The following TRAF1 variants were observed in gnomAD, a reference collection of about 807,000 sequenced individuals.
TRAF1 encodes TNF receptor associated factor 1.
TRAF1 carries 23 observed loss-of-function variants against 40.9 expected under a neutral mutation model. The observed-to-expected ratio is 0.56, with a 90% CI of 0.40 to 0.80. TRAF1 has a LOEUF of 0.80. Among genes scored for constraint, TRAF1 ranks in the 30% least tolerant of loss-of-function variants. TRAF1 has a pLI of 0.00. For missense variants in TRAF1, 477 were observed against 528.7 expected (o/e 0.90, Z 0.96); for synonymous variants, 206 against 218.8 (o/e 0.94, Z 0.52).
At chr9:120,920,635 C>T (rs1025302664) in intron 3 of TRAF1, among the ~76,000 whole-genome samples, 2 of 152,238 alleles carry the variant, frequency 1.3e-5, no homozygotes, top group African/African-American at 2.4e-5. Flanking sequence ...AGGAAGATCA[C>T]GCCAGGCAAG....
chr9:120,920,132 A>C (rs2046595312), intron 3 of TRAF1, among the ~76,000 whole-genome samples: 1 of 152,186 alleles, frequency 6.6e-6, no homozygotes, highest in South Asian at 2.1e-4. Flanking sequence ...AACACAGATA[A>C]ACAGAAGCGC....
chr9:120,912,173 G>A (rs908416229), intron 5 of TRAF1, among the ~76,000 whole-genome samples: 9 of 152,192 alleles, frequency 5.9e-5, no homozygotes, highest in Non-Finnish European at 1.3e-4. Context: ...AAGGTCCTGA[G>A]AGGGAAAGTG....
At chr9:120,909,112 G>C (rs1419931122) in intron 7 of TRAF1, 118 bp downstream of exon 7, 2 of 1,288,192 alleles carry the variant, frequency 1.6e-6, no homozygotes, top group Non-Finnish European at 2.2e-6. Flanking sequence ...AAGGGAAACT[G>C]ATAACACAGA....
In TRAF1 at chr9:120,904,542, C is replaced by G. The variant is rs949884371; in HGVS notation, c.*478G>C. The G allele has an allele frequency of 1.2e-5, 2 of 172,046 alleles. No homozygotes were observed. Among genetic ancestry groups the G allele is most frequent in the African/African-American group, 4.8e-5 (2 of 41,862 alleles). 10.7% of individuals were successfully genotyped at this position (172,046 alleles called of 1,614,324 possible). On this transcript the variant is annotated 3_prime_UTR_variant, in exon 8 of 8. Coordinates refer to ENST00000373887, the MANE Select transcript of TRAF1 (RefSeq NM_005658.5). ...ACCTCCAATGACGAGCCTGGACAGA[C>G]TGCATTCAAACTGGCACCCCATCCC... is the stretch of plus-strand genomic sequence containing the variant.
upstream of TRAF1, chr9:120,927,276 G>A (rs904735701): frequency 7.2e-5 from 11 of 152,130 alleles, no homozygotes; most frequent in Non-Finnish European, 1.0e-4. Context: ...CATCCTGCTT[G>A]GCTGCTACAG....
Position 120,904,837 on chromosome 9 carries a change from C to T in TRAF1, c.*183G>A, listed in dbSNP as rs1382774777. On this transcript the variant is annotated 3_prime_UTR_variant, in exon 8 of 8. Coordinates refer to ENST00000373887, the MANE Select transcript of TRAF1 (RefSeq NM_005658.5). Reference sequence around the variant, plus strand: ...TTCTGGACCCTTTGCCTTTGTGGGCCCAGCCCACGTCCTGCCATCCTAACC... The same window carrying T: ...TTCTGGACCCTTTGCCTTTGTGGGCTCAGCCCACGTCCTGCCATCCTAACC... 11 of 649,518 alleles carry T rather than the reference C, an allele frequency of 1.7e-5. No homozygotes were observed. Among genetic ancestry groups the T allele is most frequent in the Non-Finnish European group, 2.9e-5 (11 of 381,984 alleles). 40.2% of individuals were successfully genotyped at this position (649,518 alleles called of 1,614,324 possible). A position where few individuals can be genotyped will look rare whatever the true frequency, so the allele number is the denominator to read the frequency against.
intron 2 of TRAF1, 148 bp downstream of exon 2, chr9:120,925,788 G>A: frequency 8.6e-7 from 1 of 1,156,270 alleles, no homozygotes; most frequent in Non-Finnish European, 1.2e-6. Flanking sequence ...GGCAGTGTCA[G>A]GGAGTGTGAG....
In TRAF1 at chr9:120,911,393, C is replaced by T. The variant is rs756315377; in HGVS notation, c.826G>A (p.Val276Ile). Residue 276 changes from valine to isoleucine, a missense_variant, in exon 6 of 8, where the codon GTC (valine) becomes ATC (isoleucine). Coordinates refer to ENST00000373887, the MANE Select transcript of TRAF1 (RefSeq NM_005658.5). ...DGTFLWKITN[V>I]TRRCHESACG... ...GCCGACTCATGGCACCGCCTGGTGA[C>T]ATTGGTGATCTTCCACAGGAAAGTG... 1.7e-5 allele frequency: 28 copies of T among 1,613,552 alleles called. No homozygotes were observed. The highest frequency in any genetic ancestry group is 2.2e-5 in the Non-Finnish European group (26 of 1,180,042).
intron 3 of TRAF1, among the ~76,000 whole-genome samples, chr9:120,919,446 G>A (rs1255712697): frequency 2.0e-5 from 3 of 152,200 alleles, no homozygotes; most frequent in African/African-American, 7.2e-5. Context: ...GAATGTGACT[G>A]TTAAGAGGGT....
intron 5 of TRAF1, 36 bp downstream of exon 5, chr9:120,913,292 G>C: frequency 6.4e-7 from 1 of 1,563,336 alleles, no homozygotes; most frequent in Non-Finnish European, 8.7e-7. Context: ...ATGGGGCTCA[G>C]CCGGGCTTGA....
intron 2 of TRAF1, among the ~76,000 whole-genome samples, chr9:120,924,578 C>A (rs2046626397): frequency 6.6e-6 from 1 of 152,132 alleles, no homozygotes; most frequent in Non-Finnish European, 1.5e-5. Context: ...CCACACCCAG[C>A]TAATTCTTGT....
intron 7 of TRAF1, among the ~76,000 whole-genome samples, chr9:120,908,368 A>G (rs2046499314): frequency 6.6e-6 from 1 of 152,068 alleles, no homozygotes; most frequent in African/African-American, 2.4e-5. Context: ...GTAATCTAAT[A>G]TATTCAATAC....
intron 6 of TRAF1, among the ~76,000 whole-genome samples, chr9:120,910,733 A>G (rs1188516266): frequency 6.6e-6 from 1 of 152,208 alleles, no homozygotes; most frequent in Non-Finnish European, 1.5e-5. Flanking sequence ...ATGCACTGTT[A>G]TATTAACAGA....
At chr9:120,929,090 G>A (rs1366053407), upstream of TRAF1, 3 of 152,444 alleles carry the variant, frequency 2.0e-5, no homozygotes, top group Non-Finnish European at 4.4e-5. This position sits in a 1 kb window ranked among gnomAD's most constrained non-coding sequence, Gnocchi z 4.5. Flanking sequence ...TGCGGTCCCG[G>A]GGCAGGGGTG....
intron 3 of TRAF1, among the ~76,000 whole-genome samples, chr9:120,920,861 G>A (rs1473391424): frequency 6.6e-6 from 1 of 152,194 alleles, no homozygotes; most frequent in African/African-American, 2.4e-5. Flanking sequence ...TGCCCCAGAT[G>A]TGCAGGCAAA....
Position 120,904,721 on chromosome 9 carries a change from A to G in TRAF1, c.*299T>C. The G allele has an allele frequency of 2.5e-6, 1 of 404,766 alleles. No homozygotes were observed. The highest frequency in any genetic ancestry group is 4.6e-6 in the Non-Finnish European group (1 of 219,666). The allele number at this position is 404,766 out of a possible 1,614,324, so 25.1% of individuals were successfully genotyped here. Reference sequence around the variant, plus strand: ...GGTTCCATTTTCTTCTCATTTGGTGAGAGTCCACCTCAACATTCGGGGCCG... The same window carrying G: ...GGTTCCATTTTCTTCTCATTTGGTGGGAGTCCACCTCAACATTCGGGGCCG... On this transcript the variant is annotated 3_prime_UTR_variant, in exon 8 of 8. Coordinates refer to ENST00000373887, the MANE Select transcript of TRAF1 (RefSeq NM_005658.5).
intron 5 of TRAF1, among the ~76,000 whole-genome samples, chr9:120,911,960 G>T (rs2046531281): frequency 6.6e-6 from 1 of 152,190 alleles, no homozygotes; most frequent in Non-Finnish European, 1.5e-5. Context: ...CTTTCAGGGA[G>T]GCTGCCTTTT....
At chr9:120,906,039 C>T (rs895651724) in intron 7 of TRAF1, among the ~76,000 whole-genome samples, 2 of 152,130 alleles carry the variant, frequency 1.3e-5, no homozygotes, top group African/African-American at 4.8e-5. Flanking sequence ...CAGACCAAAG[C>T]GGCACACCTG....
At chr9:120,924,415 G>T (rs1419306728) in intron 2 of TRAF1, among the ~76,000 whole-genome samples, 1 of 151,612 alleles carries the variant, frequency 6.6e-6, no homozygotes, top group Admixed American at 6.6e-5. Context: ...TCTGTTTTTT[G>T]GGGGTTTTTC....
Sources: allele counts gnomAD v4.1 joint callset (sites outside exome capture counted in the v4.1 genomes callset), GRCh38; gene constraint gnomAD v4.1.1; non-coding constraint Gnocchi (gnomAD v3.1); transcripts MANE v1.5; gene names NCBI Gene and HGNC (gene_info 2026-07-23, HGNC 2026-07-21).